Variants in DAB1 observed in about 807,000 individuals in gnomAD.
The protein encoded by DAB1 is DAB adaptor protein 1.
In DAB1, 15 loss-of-function variants were observed where a neutral mutation model predicts 64.6. That is an observed-to-expected ratio of 0.23 (90% CI 0.16 to 0.36). The LOEUF (loss-of-function observed/expected upper bound fraction) is 0.36. Among genes scored for constraint, DAB1 ranks in the 10% least tolerant of loss-of-function variants. The probability of loss-of-function intolerance (pLI) is 1.00; values close to 1 mark genes in which losing one functional copy is unlikely to be tolerated. For missense variants in DAB1, 596 were observed against 706.7 expected (o/e 0.84, Z 1.78); for synonymous variants, 235 against 251.9 (o/e 0.93, Z 0.64).
chr1:57,228,376 AC>A (rs1667427291), intron 2 of DAB1, among the ~76,000 whole-genome samples: 1 of 152,226 alleles, frequency 6.6e-6, no homozygotes, highest in South Asian at 2.1e-4. Flanking sequence ...ACTCAAAAAA[AC>A]ACATCAGTAA....
intron 2 of DAB1, among the ~76,000 whole-genome samples, chr1:57,164,752 T>A (rs563749543): frequency 6.6e-6 from 1 of 152,296 alleles, no homozygotes; most frequent in South Asian, 2.1e-4. Context: ...GGGCTCTTGC[T>A]GATTCCAAAT....
rs116636052 is a variant in DAB1 at position 57,646,392 on chromosome 1, G to A, written n.625+3200C>T. Reference sequence around the variant, plus strand: ...TGAGGACAGGCAGGTAGTCTACCACGTCTAGGACACAACAATAGCATGAAA... The same window carrying A: ...TGAGGACAGGCAGGTAGTCTACCACATCTAGGACACAACAATAGCATGAAA... On this transcript the variant is annotated intron_variant and non_coding_transcript_variant, in intron 7 of 20. Coordinates refer to the DAB1 transcript ENST00000485760. Among the ~76,000 whole-genome samples the A allele has an allele frequency of 7.7e-3, 1,180 of 152,274 alleles. 18 individuals carry two copies. The highest frequency in any genetic ancestry group is 0.027 in the African/African-American group (1,133 of 41,538).
At chr1:58,517,020 G>A (rs556113578) in intron 2 of DAB1, among the ~76,000 whole-genome samples, 2 of 152,302 alleles carry the variant, frequency 1.3e-5, no homozygotes, top group East Asian at 3.9e-4. Context: ...AGTCAAGGGA[G>A]TCTGATGCAT....
intron 7 of DAB1, among the ~76,000 whole-genome samples, chr1:57,593,293 CATA>C (rs1167459240): frequency 6.6e-6 from 1 of 152,196 alleles, no homozygotes; most frequent in Non-Finnish European, 1.5e-5. Flanking sequence ...TTTCACTTGG[CATA>C]ATGTCAAGGT....
chr1:57,251,054 T>C (rs915270636), intron 2 of DAB1, among the ~76,000 whole-genome samples: 1 of 152,192 alleles, frequency 6.6e-6, no homozygotes, highest in African/African-American at 2.4e-5. Flanking sequence ...AAGAACAAAA[T>C]GTGGTATTAT....
At chr1:58,361,605 G>T (rs1569684560) in intron 3 of DAB1, among the ~76,000 whole-genome samples, 1 of 152,112 alleles carries the variant, frequency 6.6e-6, no homozygotes, top group South Asian at 2.1e-4. Context: ...TATAGGTTCG[G>T]GGACTTTGCA....
chr1:58,275,410 A>G (rs534058627), intron 4 of DAB1, among the ~76,000 whole-genome samples: 2 of 152,226 alleles, frequency 1.3e-5, no homozygotes, highest in Non-Finnish European at 2.9e-5. Context: ...GGGAGAAAGT[A>G]TTCATAAATC....
intron 6 of DAB1, among the ~76,000 whole-genome samples, chr1:57,771,296 A>C (rs1649550451): frequency 6.6e-6 from 1 of 152,136 alleles, no homozygotes; most frequent in Non-Finnish European, 1.5e-5. Context: ...AGGCCAGCAA[A>C]ATTCAGAAAA....
At chr1:57,873,046 T>G (rs1643980289) in intron 1 of DAB1, among the ~76,000 whole-genome samples, 1 of 151,980 alleles carries the variant, frequency 6.6e-6, no homozygotes, top group Non-Finnish European at 1.5e-5. Context: ...GTGTTCAGCC[T>G]CCAGATGGAG....
In DAB1 at chr1:57,020,775, C is replaced by T. The variant is rs377281622; in HGVS notation, c.895+2756G>A. Among the ~76,000 whole-genome samples the T allele has an allele frequency of 4.6e-5, 7 of 152,262 alleles. No individual in the cohort carries two copies. In the East Asian group the frequency reaches 1.2e-3, roughly 25 times the overall value. ...AGTTAATGTAGTGATTCATTTAATT[C>T]TCTTGATATTGTTGCAAAGTAAGTA... On this transcript the variant is annotated intron_variant, in intron 11 of 14. Coordinates refer to ENST00000371236, the MANE Select transcript of DAB1 (RefSeq NM_001365792.1).
intron 1 of DAB1, among the ~76,000 whole-genome samples, chr1:57,873,255 A>G (rs1366489987): frequency 6.6e-6 from 1 of 152,136 alleles, no homozygotes; most frequent in African/African-American, 2.4e-5. Flanking sequence ...AGATATCAAT[A>G]TTTATATGCA....
chr1:57,503,009 C>T (rs1644307261), intron 7 of DAB1, among the ~76,000 whole-genome samples: 1 of 152,192 alleles, frequency 6.6e-6, no homozygotes, highest in Non-Finnish European at 1.5e-5. Context: ...CTCCACCTTA[C>T]AAATGAGGAA....
Position 57,695,355 on chromosome 1 carries a change from A to AGG in DAB1, n.552-45691_552-45690insCC, listed in dbSNP as rs1557427724. Reference sequence around the variant, plus strand: ...AAGAAAGAAAGAAAGAAAGAAAGAAAAGAAAGAAGAAAGAAAGAAAGAAAG... The same window carrying AGG: ...AAGAAAGAAAGAAAGAAAGAAAGAAAGGAGAAAGAAGAAAGAAAGAAAGAAAG... On this transcript the variant is annotated intron_variant and non_coding_transcript_variant, in intron 6 of 20. Transcript: ENST00000485760. Among the ~76,000 whole-genome samples the AGG allele has an allele frequency of 9.1e-4, 31 of 33,896 alleles. 1 individual carries two copies. The highest frequency in any genetic ancestry group is 1.9e-3 in the African/African-American group (23 of 12,148). The allele number at this position is 33,896 out of a possible 152,430, so 22.2% of individuals were successfully genotyped here.
intron 1 of DAB1, among the ~76,000 whole-genome samples, chr1:57,356,895 G>A (rs536305515): frequency 6.6e-6 from 1 of 151,926 alleles, no homozygotes; most frequent in East Asian, 1.9e-4. Context: ...CTGGGTAGTG[G>A]TTAACAGCTT....
chr1:58,502,643 C>T (rs901405016), intron 3 of DAB1, among the ~76,000 whole-genome samples: 5 of 152,190 alleles, frequency 3.3e-5, no homozygotes, highest in African/African-American at 1.2e-4. Flanking sequence ...TATACAGACT[C>T]ACATAATTCT....
chr1:57,030,030 C>G (rs1452680317), intron 9 of DAB1, among the ~76,000 whole-genome samples: 1 of 152,118 alleles, frequency 6.6e-6, no homozygotes, highest in Non-Finnish European at 1.5e-5. Flanking sequence ...TTGGCTGTGT[C>G]CCCACCCAAA....
At chr1:58,402,339 C>A (rs764881628) in intron 3 of DAB1, among the ~76,000 whole-genome samples, 2 of 152,188 alleles carry the variant, frequency 1.3e-5, no homozygotes, top group East Asian at 1.9e-4. Flanking sequence ...CCCCCTTACC[C>A]GCAAGAAACG....
At chr1:58,490,317 C>T (rs977632129) in intron 3 of DAB1, among the ~76,000 whole-genome samples, 9 of 151,752 alleles carry the variant, frequency 5.9e-5, no homozygotes, top group Non-Finnish European at 7.4e-5. Flanking sequence ...GTAGCCGATT[C>T]GATCAACTGG....
chr1:57,555,588 A>G (rs2101489870), intron 7 of DAB1, among the ~76,000 whole-genome samples: 1 of 152,198 alleles, frequency 6.6e-6, no homozygotes, highest in Non-Finnish European at 1.5e-5. Context: ...CATTTACACC[A>G]TCATTCAGGT....
Sources: gnomAD v4.1 joint callset for allele counts (sites outside exome capture counted in the v4.1 genomes callset) on GRCh38, gnomAD v4.1.1 for gene constraint, MANE v1.5 for transcripts, NCBI Gene and HGNC (gene_info 2026-07-23, HGNC 2026-07-21) for gene names.